Variants in NTM observed in about 807,000 individuals in gnomAD.
The protein encoded by NTM is IgLON family member 2.
A neutral mutation model predicts 42.1 loss-of-function variants in NTM; 13 were observed. The observed-to-expected ratio is 0.31, with a 90% CI of 0.20 to 0.49. NTM has a LOEUF of 0.49. NTM is among the 20% of genes least tolerant of loss of function. NTM has a pLI of 0.99. For missense variants in NTM, 373 were observed against 452.8 expected (o/e 0.82, Z 1.60); for synonymous variants, 187 against 179.2 (o/e 1.04, Z -0.35).
intron 2 of NTM, among the ~76,000 whole-genome samples, chr11:131,954,313 A>G (rs1309540369): frequency 6.6e-6 from 1 of 152,200 alleles, no homozygotes; most frequent in Non-Finnish European, 1.5e-5. Flanking sequence ...CTCTGACCAG[A>G]CCTAGTGAGG....
chr11:132,043,573 G>T (rs1180958929), intron 2 of NTM, among the ~76,000 whole-genome samples: 3 of 152,204 alleles, frequency 2.0e-5, no homozygotes, highest in African/African-American at 7.2e-5. Context: ...TTTACAGATT[G>T]TTGATTTGGG....
intron 2 of NTM, among the ~76,000 whole-genome samples, chr11:132,094,740 G>T (rs2060759695): frequency 6.6e-6 from 1 of 152,118 alleles, no homozygotes; most frequent in Non-Finnish European, 1.5e-5. Flanking sequence ...GAAACAACCA[G>T]AGAGAGAGAA....
At chr11:131,704,372 A>G (rs1199557522) in intron 1 of NTM, among the ~76,000 whole-genome samples, 1 of 152,260 alleles carries the variant, frequency 6.6e-6, no homozygotes, top group South Asian at 2.1e-4. Flanking sequence ...AGGCTCATTC[A>G]TCCACTGACC....
At chr11:132,188,705 C>A (rs1171661387) in intron 3 of NTM, among the ~76,000 whole-genome samples, 2 of 152,132 alleles carry the variant, frequency 1.3e-5, no homozygotes, top group East Asian at 1.9e-4. Flanking sequence ...GAGATGGAGA[C>A]CCCTGCATAT....
intron 1 of NTM, among the ~76,000 whole-genome samples, chr11:131,598,829 C>CTTTCTTTCTT (rs2060150050): frequency 8.4e-5 from 3 of 35,538 alleles, no homozygotes; most frequent in African/African-American, 3.2e-4. Context: ...TTTCTTTCTT[C>CTTTCTTTCTT]TTTCTTTCTT....
At chr11:131,853,810 A>G (rs1243787282) in intron 1 of NTM, among the ~76,000 whole-genome samples, 2 of 152,204 alleles carry the variant, frequency 1.3e-5, no homozygotes, top group African/African-American at 4.8e-5. Context: ...TCTTTGAGGA[A>G]TCACCAGTCT....
chr11:131,690,051 G>C (rs143064032), intron 1 of NTM, among the ~76,000 whole-genome samples: 28 of 152,242 alleles, frequency 1.8e-4, no homozygotes, highest in South Asian at 1.7e-3. Flanking sequence ...TTCATGATGA[G>C]ATCTCATGAT....
intron 2 of NTM, among the ~76,000 whole-genome samples, chr11:132,011,439 C>A (rs1407747368): frequency 6.6e-6 from 1 of 152,152 alleles, no homozygotes; most frequent in Non-Finnish European, 1.5e-5. Flanking sequence ...AAGTCAGTGC[C>A]TCATCTTGAA....
chr11:131,527,410 A>G (rs1049970709), intron 1 of NTM, among the ~76,000 whole-genome samples: 1 of 152,224 alleles, frequency 6.6e-6, no homozygotes, highest in Non-Finnish European at 1.5e-5. Flanking sequence ...CATTCACTGC[A>G]CATGACCACC....
At chr11:132,100,480 T>G (rs1413649441) in intron 2 of NTM, among the ~76,000 whole-genome samples, 1 of 152,224 alleles carries the variant, frequency 6.6e-6, no homozygotes, top group Admixed American at 6.5e-5. Context: ...TTTCACCCAC[T>G]AGCACATGCT....
intron 1 of NTM, among the ~76,000 whole-genome samples, chr11:131,775,908 A>G (rs1024667091): frequency 2.6e-5 from 4 of 152,196 alleles, no homozygotes; most frequent in African/African-American, 9.6e-5. Flanking sequence ...TATTTGGGAT[A>G]GTGCATTTAT....
chr11:131,424,757 G>C (rs1159679880), intron 1 of NTM, among the ~76,000 whole-genome samples: 1 of 130,832 alleles, frequency 7.6e-6, no homozygotes, highest in Non-Finnish European at 1.6e-5. Flanking sequence ...TTTTAGTAGA[G>C]ACAGGGTTTC....
intron 3 of NTM, among the ~76,000 whole-genome samples, chr11:132,210,165 G>A (rs1566479112): frequency 6.6e-6 from 1 of 152,180 alleles, no homozygotes; most frequent in East Asian, 1.9e-4. Flanking sequence ...TTGTAAGCCA[G>A]GTGGATGGTG....
chr11:131,627,279 A>T (rs1056265179), intron 1 of NTM, among the ~76,000 whole-genome samples: 2 of 151,790 alleles, frequency 1.3e-5, no homozygotes, highest in Non-Finnish European at 2.9e-5. Flanking sequence ...GGAGTGGAAA[A>T]AGAATATACA....
chr11:131,395,995 C>T (rs1244452257), intron 1 of NTM, among the ~76,000 whole-genome samples: 2 of 152,166 alleles, frequency 1.3e-5, no homozygotes, highest in African/African-American at 2.4e-5. Context: ...AGGGTCCTGA[C>T]GTGGCAGTGC....
intron 2 of NTM, among the ~76,000 whole-genome samples, chr11:132,015,175 C>T (rs1300378760): frequency 6.6e-6 from 1 of 151,862 alleles, no homozygotes; most frequent in African/African-American, 2.4e-5. Context: ...ATGTTTGTGG[C>T]AACTTTGTCA....
chr11:131,859,668 A>G (rs970573430), intron 1 of NTM, among the ~76,000 whole-genome samples: 1 of 152,172 alleles, frequency 6.6e-6, no homozygotes, highest in Non-Finnish European at 1.5e-5. Context: ...GGAAAATAGG[A>G]ATAATAATAA....
intron 1 of NTM, among the ~76,000 whole-genome samples, chr11:131,574,750 A>C (rs1383077498): frequency 6.6e-6 from 1 of 152,070 alleles, no homozygotes; most frequent in Non-Finnish European, 1.5e-5. Context: ...AGGAAGCAAT[A>C]TTATTCCTCC....
Position 131,374,548 on chromosome 11 carries a change from C to G in NTM, c.82+3660C>G, listed in dbSNP as rs536392719. Among the ~76,000 whole-genome samples the G allele has an allele frequency of 1.4e-4, 21 of 152,242 alleles. 1 individual carries two copies. In the South Asian group the frequency reaches 4.1e-3, roughly 30 times the overall value. ...CTTTCTCAGTAACCTCCTTCCATAG[C>G]GCTGGTTTTAATTCAGGCGTCCTGC... On this transcript the variant is annotated intron_variant, in intron 1 of 8. Coordinates refer to ENST00000683400, the MANE Select transcript of NTM (RefSeq NM_001352005.2).
Sources: gnomAD v4.1 joint callset for allele counts (sites outside exome capture counted in the v4.1 genomes callset) on GRCh38, gnomAD v4.1.1 for gene constraint, MANE v1.5 for transcripts, NCBI Gene and HGNC (gene_info 2026-07-23, HGNC 2026-07-21) for gene names.